Variants in PHF10 observed in about 807,000 individuals in gnomAD.
PHF10 encodes the protein BRG1-associated factor 45a.
PHF10 carries 51 observed loss-of-function variants against 68.5 expected under a neutral mutation model. That is an observed-to-expected ratio of 0.74 (90% CI 0.59 to 0.94). The LOEUF is 0.94. Ranked by LOEUF, PHF10 falls within the 40% of genes least tolerant of loss-of-function variation. PHF10 has a pLI of 0.00. For missense variants in PHF10, 460 were observed against 602.6 expected (o/e 0.76, Z 2.48); for synonymous variants, 204 against 203.5 (o/e 1.00, Z -0.02).
At chr6:169,713,029 G>A (rs1212378215) in intron 7 of PHF10, among the ~76,000 whole-genome samples, 1 of 152,072 alleles carries the variant, frequency 6.6e-6, no homozygotes, top group Non-Finnish European at 1.5e-5. Context: ...AACATAGAAA[G>A]CAAAATTTTT....
intron 6 of PHF10, 27 bp downstream of exon 6, chr6:169,715,681 G>A (rs1185641752): frequency 6.3e-7 from 1 of 1,597,436 alleles, no homozygotes; most frequent in Non-Finnish European, 8.6e-7. Context: ...ACTAAGTTCA[G>A]GGGGTACTAA....
intron 11 of PHF10, 86 bp from the exon 12 acceptor site, chr6:169,704,174 A>C (rs762371696): frequency 1.1e-6 from 1 of 906,084 alleles, no homozygotes; most frequent in Non-Finnish European, 1.6e-6. Flanking sequence ...TGCCTTAGCT[A>C]TCACTAATGA....
chr6:169,704,018 GT>G lies in PHF10; in HGVS notation c.1481del (p.Asn494ThrfsTer?), dbSNP rs766495557. ...TPRKVGRRGK[N>X]SKEG ...AAAAACTATTTTATCCCTCTTTGCT[GT>G]TTTTCCCCCTTCTGCCCACTTTCCT... is the stretch of plus-strand genomic sequence containing the variant. On this transcript the variant is annotated frameshift_variant, in exon 12 of 12. Transcript: ENST00000339209. LOFTEE classifies it high-confidence loss of function. The G allele has an allele frequency of 1.9e-6, 3 of 1,601,076 alleles. No individual in the cohort carries two copies. The highest frequency in any genetic ancestry group is 2.6e-6 in the Non-Finnish European group (3 of 1,175,834).
intron 7 of PHF10, among the ~76,000 whole-genome samples, chr6:169,712,858 G>A (rs1359319046): frequency 6.6e-6 from 1 of 152,038 alleles, no homozygotes; most frequent in Non-Finnish European, 1.5e-5. Flanking sequence ...CATCCACCTC[G>A]ACCACTGTCC....
intron 8 of PHF10, among the ~76,000 whole-genome samples, chr6:169,710,930 C>A (rs1788914614): frequency 6.6e-6 from 1 of 151,928 alleles, no homozygotes; most frequent in Non-Finnish European, 1.5e-5. Context: ...ACAACAGGAT[C>A]TGAAATATTT....
intron 7 of PHF10, among the ~76,000 whole-genome samples, chr6:169,713,283 T>C (rs527307820): frequency 6.6e-6 from 1 of 152,306 alleles, no homozygotes; most frequent in African/African-American, 2.4e-5. Context: ...TTTAATAATT[T>C]GCTGATGCCA....
At chr6:169,718,258 A>AT (rs1789097396) in intron 3 of PHF10, among the ~76,000 whole-genome samples, 1 of 152,130 alleles carries the variant, frequency 6.6e-6, no homozygotes, top group Admixed American at 6.5e-5. Context: ...CTATAAAATG[A>AT]TTTTTTCTAA....
chr6:169,711,505 G>T (rs7740499), intron 8 of PHF10, among the ~76,000 whole-genome samples: 2 of 151,990 alleles, frequency 1.3e-5, no homozygotes, highest in African/African-American at 4.8e-5. Flanking sequence ...ACTTAAATTG[G>T]TAAGACTGTC....
chr6:169,706,381 TA>T (rs1438888456), intron 9 of PHF10, among the ~76,000 whole-genome samples: 5 of 152,086 alleles, frequency 3.3e-5, no homozygotes, highest in Non-Finnish European at 7.4e-5. Context: ...AATGTAAAAT[TA>T]TAAAAGGGAA....
chr6:169,714,672 A>C (rs1490215248), intron 7 of PHF10, 61 bp downstream of exon 7: 4 of 844,444 alleles, frequency 4.7e-6, no homozygotes, highest in Non-Finnish European at 8.2e-6. Context: ...AGGCAAGTAC[A>C]AAAGGCTCTG....
At chr6:169,715,146 C>A (rs1359636866) in intron 6 of PHF10, among the ~76,000 whole-genome samples, 1 of 152,146 alleles carries the variant, frequency 6.6e-6, no homozygotes, top group Non-Finnish European at 1.5e-5. Context: ...TGGAAGTAAT[C>A]CTAGTTCCAA....
At chr6:169,718,632 C>A (rs78780499) in intron 3 of PHF10, among the ~76,000 whole-genome samples, 156 bp downstream of exon 3, 2 of 152,086 alleles carry the variant, frequency 1.3e-5, no homozygotes, top group South Asian at 2.1e-4. Flanking sequence ...CGCACCAGTG[C>A]GCTCTAGCCT....
At chr6:169,722,866 ACTGG>A (rs929392509) in intron 1 of PHF10, among the ~76,000 whole-genome samples, 17 of 152,242 alleles carry the variant, frequency 1.1e-4, no homozygotes, top group African/African-American at 3.6e-4. Context: ...CTCAGGGGGC[ACTGG>A]CTCAGTGCCC....
At chr6:169,706,572 T>C (rs950668308) in intron 9 of PHF10, among the ~76,000 whole-genome samples, 8 of 152,060 alleles carry the variant, frequency 5.3e-5, no homozygotes, top group African/African-American at 1.7e-4. Context: ...GCACTTAAAA[T>C]TACCAGGGGA....
Position 169,710,363 on chromosome 6 carries a change from C to T in PHF10, c.986G>A (p.Gly329Glu), listed in dbSNP as rs1788899683. The change falls in exon 9 of 12, where the codon GGG becomes GAG. Residue 329 changes from glycine to glutamate, a missense_variant. Physicochemically the swap from Gly to Glu is moderately conservative, Grantham distance 98 (BLOSUM62 -2). Transcript: ENST00000339209. ...CTCCTGGCTGTCAGGAGGGCTTTCC[C>T]CTTCAGATACATTGCCAGAGGAGCT... Reference protein sequence around the residue: ...SDSSSGNVSEGESPPDSQEDS... With the variant: ...SDSSSGNVSEEESPPDSQEDS... 5 of 1,612,392 alleles carry T rather than the reference C, an allele frequency of 3.1e-6. No individual in the cohort carries two copies. Among genetic ancestry groups the T allele is most frequent in the Non-Finnish European group, 3.4e-6 (4 of 1,178,548 alleles).
chr6:169,720,725 T>C (rs1475571142), intron 2 of PHF10, among the ~76,000 whole-genome samples: 1 of 152,240 alleles, frequency 6.6e-6, no homozygotes, highest in Non-Finnish European at 1.5e-5. Flanking sequence ...ATGGTGGTAA[T>C]GGCTGCACAA....
chr6:169,719,135 T>G, intron 2 of PHF10: 1 of 392,194 alleles, frequency 2.5e-6, no homozygotes, highest in Non-Finnish European at 4.6e-6. Context: ...ATAACATCTT[T>G]TATACACTGG....
At chr6:169,716,862 G>A (rs181220369) in intron 4 of PHF10, among the ~76,000 whole-genome samples, 8 of 152,068 alleles carry the variant, frequency 5.3e-5, no homozygotes, top group South Asian at 2.1e-4. Context: ...GGGACCACAC[G>A]CACACACCAT....
chr6:169,709,812 G>C (rs1788886113), intron 9 of PHF10: 1 of 152,260 alleles, frequency 6.6e-6, no homozygotes, highest in Admixed American at 6.6e-5. Flanking sequence ...TAAAAAAAAT[G>C]CAACTTAGTC....
Sources: gnomAD v4.1 joint callset for allele counts (sites outside exome capture counted in the v4.1 genomes callset) on GRCh38, gnomAD v4.1.1 for gene constraint, MANE v1.5 for transcripts, NCBI Gene and HGNC (gene_info 2026-07-23, HGNC 2026-07-21) for gene names.